The following GRIK2 variants were observed in gnomAD, a reference collection of about 807,000 sequenced individuals.
The protein encoded by GRIK2 is glutamate receptor ionotropic, kainate 2.
A neutral mutation model predicts 100.3 loss-of-function variants in GRIK2; 32 were observed. The ratio of observed to expected loss-of-function variants is 0.32; its 90% confidence interval spans 0.24 to 0.43. The LOEUF (loss-of-function observed/expected upper bound fraction) is 0.43, where lower values mean the gene tolerates loss of function less well. Among genes scored for constraint, GRIK2 ranks in the 20% least tolerant of loss-of-function variants. The pLI is 1.00. For missense variants in GRIK2, 843 were observed against 1,114.9 expected (o/e 0.76, Z 3.47); for synonymous variants, 417 against 389.4 (o/e 1.07, Z -0.83).
At position 101,686,096 on chromosome 6, in the gene GRIK2, A is replaced by G. The variant is rs111982902; in HGVS notation, c.778-84A>G. Reference sequence around the variant, plus strand: ...CAAAGGTGTTAAGTGACCTAAAAAAAACAAAAAAAGTGACTATTTCAGTAA... The same window carrying G: ...CAAAGGTGTTAAGTGACCTAAAAAAGACAAAAAAAGTGACTATTTCAGTAA... On this transcript the variant is annotated intron_variant, in intron 6 of 16. Coordinates refer to ENST00000369134, the MANE Select transcript of GRIK2 (RefSeq NM_021956.5). 4 of 1,176,330 alleles carry G rather than the reference A, an allele frequency of 3.4e-6. No homozygotes were observed. In the African/African-American group the frequency reaches 4.6e-5, roughly 14 times the overall value. 72.9% of individuals were successfully genotyped at this position (1,176,330 alleles called of 1,614,324 possible).
chr6:101,830,144 T>A (rs7759454), intron 10 of GRIK2, among the ~76,000 whole-genome samples: 3,701 of 152,112 alleles, frequency 0.024, 165 homozygotes, highest in African/African-American at 0.084. Context: ...CCAACTGATC[T>A]TTGACAAAAT....
At chr6:101,803,733 G>T (rs9498713) in intron 9 of GRIK2, among the ~76,000 whole-genome samples, 16,915 of 151,820 alleles carry the variant, frequency 0.11, 2,056 homozygotes, top group East Asian at 0.66. Context: ...CAATACATCT[G>T]CATAAAATGG....
At chr6:101,704,116 T>C (rs901135874) in intron 7 of GRIK2, among the ~76,000 whole-genome samples, 3 of 151,738 alleles carry the variant, frequency 2.0e-5, no homozygotes, top group Non-Finnish European at 4.4e-5. Context: ...GGGCCATAAA[T>C]GTTAAGTGAT....
chr6:101,959,176 T>G (rs1295983338), intron 14 of GRIK2, among the ~76,000 whole-genome samples: 1 of 152,114 alleles, frequency 6.6e-6, no homozygotes, highest in Non-Finnish European at 1.5e-5. Flanking sequence ...ATCAATGGCT[T>G]CATGTGGCAA....
chr6:101,952,606 A>AT (rs558786033), intron 14 of GRIK2, among the ~76,000 whole-genome samples: 6,267 of 144,742 alleles, frequency 0.043, 430 homozygotes, highest in African/African-American at 0.14. Context: ...TCACCACAAT[A>AT]TTTTTTTTTT....
intron 7 of GRIK2, among the ~76,000 whole-genome samples, chr6:101,793,396 C>A (rs1270863005): frequency 3.9e-5 from 6 of 152,110 alleles, no homozygotes; most frequent in Non-Finnish European, 8.8e-5. Flanking sequence ...GTGTGGATGT[C>A]CTTTCTGTTT....
intron 2 of GRIK2, chr6:101,620,186 C>T: frequency 3.6e-6 from 3 of 825,220 alleles, no homozygotes; most frequent in Non-Finnish European, 4.4e-6. Flanking sequence ...GGTCTAGCTC[C>T]AAATAAATGT....
rs936630202 is a variant in GRIK2 at position 101,886,306 on chromosome 6, A to C, written c.1525-3334A>C. Among the ~76,000 whole-genome samples the C allele has an allele frequency of 1.1e-3, 171 of 152,102 alleles. 3 individuals carry two copies. Among genetic ancestry groups the C allele is most frequent in the Admixed American group, 0.011 (168 of 15,264 alleles). ...TTTTATAAATGAATAATACTATTCC[A>C]TTGTATGGATGTAATACAGTCTGTT... On this transcript the variant is annotated intron_variant, in intron 11 of 16. Transcript: ENST00000369134.
chr6:101,814,447 AAC>A (rs917931165), intron 9 of GRIK2, among the ~76,000 whole-genome samples: 50 of 152,228 alleles, frequency 3.3e-4, no homozygotes, highest in African/African-American at 8.7e-4. Context: ...TTGAAATAAA[AAC>A]AGTTATTTTT....
chr6:101,634,248 T>C lies in GRIK2; in HGVS notation c.541+7611T>C, dbSNP rs868770042. On this transcript the variant is annotated intron_variant, in intron 4 of 16. Transcript: ENST00000369134. ...CTAAGAGGACTTAGGAGATACAGAT[T>C]GTAGAATTTAGTAAGTGGTTGCCGG... is the stretch of plus-strand genomic sequence containing the variant. 3.9e-5 allele frequency among the ~76,000 whole-genome samples: 6 copies of C among 152,162 alleles called. No individual in the cohort carries two copies. In the Middle Eastern group the frequency reaches 0.014, roughly 345 times the overall value.
chr6:102,054,405 T>C (rs1335227868), intron 15 of GRIK2, among the ~76,000 whole-genome samples: 1 of 152,118 alleles, frequency 6.6e-6, no homozygotes, highest in Non-Finnish European at 1.5e-5. Context: ...GAATGTGCAG[T>C]ATAGTGTCTT....
intron 2 of GRIK2, among the ~76,000 whole-genome samples, chr6:101,523,386 T>G (rs2128282169): frequency 6.6e-6 from 1 of 152,286 alleles, no homozygotes; most frequent in Non-Finnish European, 1.5e-5. Context: ...ACCATCTCTA[T>G]CTGTTAGGGA....
intron 12 of GRIK2, among the ~76,000 whole-genome samples, chr6:101,892,905 A>G (rs1787198742): frequency 6.6e-6 from 1 of 151,232 alleles, no homozygotes; most frequent in African/African-American, 2.4e-5. Flanking sequence ...GCAAAGTCTG[A>G]ATATGGTCAA....
chr6:102,042,553 G>A (rs1017307824), intron 15 of GRIK2, among the ~76,000 whole-genome samples: 22 of 151,606 alleles, frequency 1.5e-4, no homozygotes, highest in African/African-American at 5.3e-4. Flanking sequence ...CTTAAAGGAT[G>A]GGTAGTTCAC....
chr6:101,867,381 A>AG (rs1785117452), intron 11 of GRIK2, among the ~76,000 whole-genome samples: 4 of 151,576 alleles, frequency 2.6e-5, no homozygotes, highest in Non-Finnish European at 4.4e-5. Flanking sequence ...GGGCTAATAT[A>AG]TTTTTAAACT....
intron 9 of GRIK2, among the ~76,000 whole-genome samples, chr6:101,805,822 C>T (rs1357604175): frequency 6.6e-6 from 1 of 151,970 alleles, no homozygotes; most frequent in Admixed American, 6.6e-5. Context: ...AAACAGTTAA[C>T]AGGAAGGAAG....
At chr6:101,460,375 A>G (rs2518229) in intron 2 of GRIK2, among the ~76,000 whole-genome samples, 35,866 of 152,158 alleles carry the variant, frequency 0.24, 4,884 homozygotes, top group East Asian at 0.31. Context: ...ATAAAATTAT[A>G]TAGATACTAG....
intron 2 of GRIK2, among the ~76,000 whole-genome samples, chr6:101,491,903 GTGTATACA>G (rs1773136898): frequency 1.3e-5 from 2 of 148,166 alleles, no homozygotes; most frequent in South Asian, 4.3e-4. Flanking sequence ...GTATATATGT[GTGTATACA>G]TATATATATA....
chr6:102,044,457 G>A (rs1444071406), intron 15 of GRIK2, among the ~76,000 whole-genome samples: 1 of 152,004 alleles, frequency 6.6e-6, no homozygotes, highest in African/African-American at 2.4e-5. Flanking sequence ...CACATGATTG[G>A]GGAGGCCTCT....
Sources: gnomAD v4.1 joint callset for allele counts (sites outside exome capture counted in the v4.1 genomes callset) on GRCh38, gnomAD v4.1.1 for gene constraint, MANE v1.5 for transcripts, NCBI Gene and HGNC (gene_info 2026-07-23, HGNC 2026-07-21) for gene names.